Variants in FRMPD4 observed in about 807,000 individuals in gnomAD.
FRMPD4 encodes FERM and PDZ domain containing 4.
FRMPD4 carries 22 observed loss-of-function variants against 94.1 expected under a neutral mutation model. That is an observed-to-expected ratio of 0.23 (90% CI 0.17 to 0.33). The LOEUF (loss-of-function observed/expected upper bound fraction) is 0.33. Among genes scored for constraint, FRMPD4 ranks in the 10% least tolerant of loss-of-function variants. The probability of loss-of-function intolerance (pLI) is 1.00; values close to 1 mark genes in which losing one functional copy is unlikely to be tolerated. For missense variants in FRMPD4, 1,111 were observed against 1,339.9 expected, an observed-to-expected ratio of 0.83 and a Z score of 2.67; for synonymous variants, 631 against 548.6, an observed-to-expected ratio of 1.15 and a Z score of -2.10.
intron 4 of FRMPD4, among the ~76,000 whole-genome samples, chrX:12,651,339 A>AT (rs5901482): frequency 0.061 from 5,212 of 84,788 alleles, 193 homozygotes; most frequent in African/African-American, 0.11. Flanking sequence ...ACCCACTAGG[A>AT]TTTTTTTTTT....
intron 1 of FRMPD4, among the ~76,000 whole-genome samples, chrX:12,450,278 G>C (rs182106861): frequency 2.2e-4 from 24 of 111,302 alleles, no homozygotes; most frequent in Non-Finnish European, 3.8e-4. Flanking sequence ...ATAAACAGTG[G>C]TGTTAAAAGA....
At chrX:12,564,099 G>T (rs148053245) in intron 2 of FRMPD4, among the ~76,000 whole-genome samples, 3,307 of 111,602 alleles carry the variant, frequency 0.03, 130 homozygotes, top group African/African-American at 0.1. Context: ...ATAGCAGAGA[G>T]CAGAGAGAGA....
chrX:12,041,662 T>C (rs2054756655), intron 3 of FRMPD4, among the ~76,000 whole-genome samples: 1 of 110,335 alleles, frequency 9.1e-6, no homozygotes, highest in Non-Finnish European at 1.9e-5. Flanking sequence ...TTGGGGCTGA[T>C]TGAGCTTCTT....
At chrX:12,247,832 G>A (rs1315813689) in intron 1 of FRMPD4, among the ~76,000 whole-genome samples, 1 of 111,825 alleles carries the variant, frequency 8.9e-6, no homozygotes, top group East Asian at 2.8e-4. Context: ...TTATAAAAGC[G>A]GATATTGAGA....
At chrX:12,627,014 G>A (rs887314349) in intron 4 of FRMPD4, among the ~76,000 whole-genome samples, 13 of 111,730 alleles carry the variant, frequency 1.2e-4, no homozygotes, top group African/African-American at 3.9e-4. Flanking sequence ...GGTGGCTCAC[G>A]CCTGTAATCC....
At chrX:12,701,545 ATTATGCTATC>A (rs1051091073) in intron 9 of FRMPD4, among the ~76,000 whole-genome samples, 3 of 112,128 alleles carry the variant, frequency 2.7e-5, no homozygotes, top group African/African-American at 9.7e-5. Context: ...CAGAAGCCAC[ATTATGCTATC>A]AATGCTGTGT....
chrX:12,712,899 G>A (rs556703422), intron 14 of FRMPD4, among the ~76,000 whole-genome samples: 17 of 110,265 alleles, frequency 1.5e-4, no homozygotes, highest in Middle Eastern at 4.6e-3. Flanking sequence ...AACAAAGTGA[G>A]ACACTGTATC....
intron 1 of FRMPD4, among the ~76,000 whole-genome samples, chrX:12,496,105 G>T (rs185581513): frequency 1.2e-3 from 134 of 112,072 alleles, no homozygotes; most frequent in African/African-American, 4.3e-3. Context: ...AAACCCCATG[G>T]TTACCAGTTA....
intron 3 of FRMPD4, among the ~76,000 whole-genome samples, chrX:12,084,176 G>GT (rs374119841): frequency 1.6e-4 from 10 of 61,820 alleles, no homozygotes; most frequent in Admixed American, 6.0e-4. Flanking sequence ...GAGGGACCCA[G>GT]TGGGGGGGGG....
At chrX:12,321,154 C>T (rs896257780) in intron 1 of FRMPD4, among the ~76,000 whole-genome samples, 10 of 112,282 alleles carry the variant, frequency 8.9e-5, no homozygotes, top group Non-Finnish European at 1.5e-4. Flanking sequence ...GGAGACTTGG[C>T]TTGAGATAAC....
At chrX:12,265,964 T>TA (rs1269927349) in intron 1 of FRMPD4, among the ~76,000 whole-genome samples, 1 of 103,281 alleles carries the variant, frequency 9.7e-6, no homozygotes, top group African/African-American at 3.6e-5. Context: ...CCATCTCTAC[T>TA]AAAAAAAATA....
intron 1 of FRMPD4, among the ~76,000 whole-genome samples, chrX:11,836,285 G>A (rs1197418326): frequency 9.0e-6 from 1 of 111,556 alleles, no homozygotes; most frequent in Non-Finnish European, 1.9e-5. Flanking sequence ...TGTTTTGCCT[G>A]GCCCATTTTT....
intron 1 of FRMPD4, among the ~76,000 whole-genome samples, chrX:12,208,569 A>G (rs1032995345): frequency 7.2e-5 from 8 of 111,853 alleles, no homozygotes; most frequent in African/African-American, 2.6e-4. Context: ...TATGCCAAAT[A>G]GAATTGTTTT....
At chrX:12,016,337 A>G (rs759533364) in intron 3 of FRMPD4, among the ~76,000 whole-genome samples, 6 of 112,188 alleles carry the variant, frequency 5.3e-5, no homozygotes, top group Non-Finnish European at 1.1e-4. Context: ...GAGAGGCTCA[A>G]TGTGGTTAGC....
intron 3 of FRMPD4, among the ~76,000 whole-genome samples, chrX:11,926,667 T>A (rs1055928004): frequency 2.6e-4 from 29 of 111,989 alleles, no homozygotes; most frequent in African/African-American, 9.1e-4. Context: ...CACATGATGA[T>A]CTCAATACAT....
At chrX:11,955,041 G>A (rs1397499479) in intron 3 of FRMPD4, among the ~76,000 whole-genome samples, 2 of 111,388 alleles carry the variant, frequency 1.8e-5, no homozygotes, top group Non-Finnish European at 3.8e-5. Flanking sequence ...TCCATGTTCA[G>A]GCAGATTTGA....
At position 12,658,575 on chromosome X, in the gene FRMPD4, G is replaced by C. The variant is rs1357382777; in HGVS notation, c.423-16288G>C. On this transcript the variant is annotated intron_variant, in intron 4 of 16. Transcript: ENST00000675598. ...TGTCATTTGTTCTAAACCATGGCTG[G>C]ATGGCCCATCAACAGAGCACACAAC... Among the ~76,000 whole-genome samples the C allele has an allele frequency of 3.4e-4, 38 of 111,842 alleles. No individual in the cohort carries two copies. In the Admixed American group the frequency reaches 3.6e-3, roughly 11 times the overall value.
At position 12,092,901 on chromosome X, in the gene FRMPD4, G is replaced by A. The variant is rs181913061; in HGVS notation, c.95+214883G>A. 3.6e-3 allele frequency among the ~76,000 whole-genome samples: 398 copies of A among 111,743 alleles called. 4 individuals are homozygous for A. Among genetic ancestry groups the A allele is most frequent in the African/African-American group, 0.012 (374 of 30,770 alleles). On this transcript the variant is annotated intron_variant, in intron 3 of 18. Transcript: ENST00000640291. Reference sequence around the variant, plus strand: ...AAAGGGAATGGGAAGTGCTGGAAGGGAGACTCCAGATTGTCAATGAGGTGG... The same window carrying A: ...AAAGGGAATGGGAAGTGCTGGAAGGAAGACTCCAGATTGTCAATGAGGTGG...
chrX:11,850,739 A>G (rs1021256641), intron 1 of FRMPD4, among the ~76,000 whole-genome samples: 3 of 112,323 alleles, frequency 2.7e-5, no homozygotes, highest in Non-Finnish European at 5.6e-5. Flanking sequence ...TATACAGGTA[A>G]GTACTTACAG....
Sources: gnomAD v4.1 joint callset for allele counts (sites outside exome capture counted in the v4.1 genomes callset) on GRCh38, gnomAD v4.1.1 for gene constraint, MANE v1.5 for transcripts, NCBI Gene and HGNC (gene_info 2026-07-23, HGNC 2026-07-21) for gene names.